The following DLC1 variants were observed in gnomAD, a reference collection of about 807,000 sequenced individuals.
The protein encoded by DLC1 is rho GTPase-activating protein 7.
In DLC1, 54 loss-of-function variants were observed where a neutral mutation model predicts 140.3. The observed-to-expected ratio is 0.38, with a 90% confidence interval of 0.31 to 0.48. DLC1 has a LOEUF of 0.48. DLC1 is among the 20% of genes least tolerant of loss of function. DLC1 has a pLI of 0.96. For missense variants in DLC1, 2,536 were observed against 1,907.0 expected, an observed-to-expected ratio of 1.33 and a Z score of -6.14; for synonymous variants, 986 against 728.1, an observed-to-expected ratio of 1.35 and a Z score of -5.70.
chr8:13,297,361 A>G (rs1832003231), intron 5 of DLC1, among the ~76,000 whole-genome samples: 1 of 149,772 alleles, frequency 6.7e-6, no homozygotes, highest in Admixed American at 6.8e-5. Context: ...AGAATGAAAG[A>G]GAATAAATAA....
intron 1 of DLC1, among the ~76,000 whole-genome samples, chr8:13,511,802 A>G (rs910459342): frequency 6.6e-6 from 1 of 152,166 alleles, no homozygotes; most frequent in Non-Finnish European, 1.5e-5. Context: ...ATACTGTAAT[A>G]GTTTTTAAAG....
chr8:13,469,149 T>C (rs1458806577), intron 2 of DLC1, among the ~76,000 whole-genome samples: 2 of 152,208 alleles, frequency 1.3e-5, no homozygotes, highest in Non-Finnish European at 2.9e-5. Context: ...AGATTTTTGC[T>C]TGTATCTTAA....
intron 1 of DLC1, among the ~76,000 whole-genome samples, chr8:13,595,722 A>G (rs1038535462): frequency 2.0e-5 from 3 of 152,052 alleles, no homozygotes; most frequent in Non-Finnish European, 4.4e-5. Flanking sequence ...TTGTGAAAAT[A>G]TGTATTTTTA....
At chr8:13,380,141 A>C (rs182348828) in intron 4 of DLC1, among the ~76,000 whole-genome samples, 121 of 152,308 alleles carry the variant, frequency 7.9e-4, no homozygotes, top group African/African-American at 2.7e-3. Context: ...TTTCATTAGC[A>C]CTTGCTAGAA....
At chr8:13,323,168 A>T (rs916429039) in intron 4 of DLC1, among the ~76,000 whole-genome samples, 1 of 152,236 alleles carries the variant, frequency 6.6e-6, no homozygotes, top group Non-Finnish European at 1.5e-5. Flanking sequence ...GTGTGAGATT[A>T]TATACGTTCA....
At chr8:13,145,201 T>C (rs1021078886) in intron 5 of DLC1, among the ~76,000 whole-genome samples, 1 of 152,054 alleles carries the variant, frequency 6.6e-6, no homozygotes, top group African/African-American at 2.4e-5. Context: ...ATGAAACATA[T>C]AAGCTTAATT....
chr8:13,413,277 T>TTTTTTTTTTTTTTTTTA (rs1837880078), intron 2 of DLC1, among the ~76,000 whole-genome samples: 1 of 146,014 alleles, frequency 6.8e-6, no homozygotes. Context: ...TTTTTTTTTT[T>TTTTTTTTTTTTTTTTTA]AGCTCATCAA....
intron 5 of DLC1, among the ~76,000 whole-genome samples, chr8:13,119,582 A>G (rs559109428): frequency 6.6e-6 from 1 of 152,294 alleles, no homozygotes; most frequent in Non-Finnish European, 1.5e-5. Context: ...CATTGATCCT[A>G]AAATGTGGAT....
At chr8:13,454,690 A>G (rs1337167485) in intron 2 of DLC1, among the ~76,000 whole-genome samples, 3 of 151,994 alleles carry the variant, frequency 2.0e-5, no homozygotes, top group African/African-American at 7.3e-5. Flanking sequence ...AAGTAGCTGG[A>G]ACTATAGGTA....
At chr8:13,584,555 C>T (rs1373573355) in intron 1 of DLC1, 1 of 152,122 alleles carries the variant, frequency 6.6e-6, no homozygotes, top group African/African-American at 2.4e-5. Flanking sequence ...GGGATATGTA[C>T]CGGGCACAAT....
chr8:13,505,296 A>C (rs1802004736), intron 1 of DLC1, among the ~76,000 whole-genome samples: 1 of 152,174 alleles, frequency 6.6e-6, no homozygotes, highest in African/African-American at 2.4e-5. Context: ...AAAATAATTT[A>C]AGGGAGATAG....
intron 5 of DLC1, among the ~76,000 whole-genome samples, chr8:13,239,923 G>C (rs1829468539): frequency 6.6e-6 from 1 of 152,200 alleles, no homozygotes; most frequent in Non-Finnish European, 1.5e-5. Context: ...TTGCATTTCT[G>C]TAATGCTTGT....
At chr8:13,571,295 A>T (rs1000326257) in intron 1 of DLC1, among the ~76,000 whole-genome samples, 1 of 152,174 alleles carries the variant, frequency 6.6e-6, no homozygotes, top group Non-Finnish European at 1.5e-5. Flanking sequence ...AATGTTGTGC[A>T]ACCATCACCA....
intron 1 of DLC1, among the ~76,000 whole-genome samples, chr8:13,544,917 C>T (rs1254627733): frequency 6.6e-6 from 1 of 152,126 alleles, no homozygotes; most frequent in Non-Finnish European, 1.5e-5. Flanking sequence ...TTAAGAGCCA[C>T]AGTGAGTACT....
At chr8:13,223,887 C>G (rs951655731) in intron 5 of DLC1, among the ~76,000 whole-genome samples, 1 of 152,062 alleles carries the variant, frequency 6.6e-6, no homozygotes, top group South Asian at 2.1e-4. Context: ...ACATTACACA[C>G]TAAAACAGAA....
chr8:13,107,149 C>G (rs1437823972), intron 7 of DLC1, among the ~76,000 whole-genome samples: 1 of 152,192 alleles, frequency 6.6e-6, no homozygotes, highest in Non-Finnish European at 1.5e-5. Context: ...GGTTAGCAAT[C>G]TAAATCCAAA....
chr8:13,419,010 C>G (rs201131905), intron 2 of DLC1, among the ~76,000 whole-genome samples: 2 of 150,532 alleles, frequency 1.3e-5, no homozygotes, highest in Non-Finnish European at 3.0e-5. Flanking sequence ...ATTTGGCTCT[C>G]TGTTTGTCTG....
chr8:13,270,747 TG>T (rs1830897964), intron 5 of DLC1, among the ~76,000 whole-genome samples: 1 of 152,182 alleles, frequency 6.6e-6, no homozygotes, highest in South Asian at 2.1e-4. Flanking sequence ...TCTTTTTTTT[TG>T]GACTGGTTGA....
chr8:13,597,443 T>G (rs771995497), intron 1 of DLC1, among the ~76,000 whole-genome samples: 5 of 152,022 alleles, frequency 3.3e-5, no homozygotes, highest in Admixed American at 2.6e-4. Flanking sequence ...AAATGCATAT[T>G]AAAAAAATAG....
Sources: gnomAD v4.1 joint callset for allele counts (sites outside exome capture counted in the v4.1 genomes callset) on GRCh38, gnomAD v4.1.1 for gene constraint, MANE v1.5 for transcripts, NCBI Gene and HGNC (gene_info 2026-07-23, HGNC 2026-07-21) for gene names.